Variants in ROBO2 observed in about 807,000 individuals in gnomAD.
ROBO2 encodes the protein roundabout homolog 2.
ROBO2 carries 53 observed loss-of-function variants against 160.8 expected under a neutral mutation model. The observed-to-expected ratio is 0.33, with a 90% CI of 0.26 to 0.41. ROBO2 has a LOEUF of 0.41. Ranked by LOEUF, ROBO2 falls within the 10% of genes least tolerant of loss-of-function variation. The pLI, the probability that ROBO2 is intolerant of heterozygous loss-of-function variation, is 1.00. For missense variants in ROBO2, 1,577 were observed against 1,722.4 expected, an observed-to-expected ratio of 0.92 and a Z score of 1.49; for synonymous variants, 664 against 611.7, an observed-to-expected ratio of 1.09 and a Z score of -1.26.
chr3:76,291,519 A>G (rs1039824084), intron 2 of ROBO2, among the ~76,000 whole-genome samples: 1 of 151,758 alleles, frequency 6.6e-6, no homozygotes, highest in Non-Finnish European at 1.5e-5. Flanking sequence ...CTGCCTCTTC[A>G]TTTCATTACA....
At chr3:77,361,706 G>T (rs563034003) in intron 2 of ROBO2, among the ~76,000 whole-genome samples, 1 of 152,224 alleles carries the variant, frequency 6.6e-6, no homozygotes, top group South Asian at 2.1e-4. Context: ...CTCTTATGAC[G>T]TAAACACCCT....
intron 2 of ROBO2, among the ~76,000 whole-genome samples, chr3:76,259,609 G>T (rs568681435): frequency 2.0e-5 from 3 of 152,264 alleles, no homozygotes; most frequent in East Asian, 1.9e-4. Context: ...AACAGAAGAA[G>T]TACATTTGTT....
At chr3:76,119,825 T>C (rs2070644559) in intron 2 of ROBO2, among the ~76,000 whole-genome samples, 1 of 151,708 alleles carries the variant, frequency 6.6e-6, no homozygotes, top group Non-Finnish European at 1.5e-5. Context: ...CACACATGAC[T>C]TACCTTTCTT....
intron 2 of ROBO2, among the ~76,000 whole-genome samples, chr3:76,944,012 T>A (rs952437089): frequency 4.6e-5 from 7 of 152,182 alleles, no homozygotes; most frequent in African/African-American, 1.7e-4. Flanking sequence ...TTGGACTAAT[T>A]AAATAGAAAC....
At chr3:76,364,738 C>G (rs1037436674) in intron 2 of ROBO2, among the ~76,000 whole-genome samples, 1 of 152,040 alleles carries the variant, frequency 6.6e-6, no homozygotes, top group African/African-American at 2.4e-5. Flanking sequence ...ATTCTGAGAC[C>G]TGCACAGTAA....
In ROBO2 at chr3:76,425,524, G is replaced by C. The variant is rs1008654703; in HGVS notation, c.109+487922G>C. Among the ~76,000 whole-genome samples, 6 of 143,720 alleles carry C rather than the reference G, an allele frequency of 4.2e-5. No individual in the cohort carries two copies. The East Asian group carries it at 1.1e-3, about 26-fold the overall frequency. 94.3% of individuals were successfully genotyped at this position (143,720 alleles called of 152,430 possible). On this transcript the variant is annotated intron_variant, in intron 2 of 26. Coordinates refer to the ROBO2 transcript ENST00000487694. ...TGTGTGTGTGTGTGTGTGTGTGTGT[G>C]TCTGTGTGTGTGTGTGTCTGTGTGT... is the stretch of plus-strand genomic sequence containing the variant.
intron 2 of ROBO2, among the ~76,000 whole-genome samples, chr3:76,673,873 C>G (rs1011213561): frequency 1.3e-5 from 2 of 152,048 alleles, no homozygotes; most frequent in Non-Finnish European, 1.5e-5. Context: ...CCCTTAATCA[C>G]CAGAAAATCA....
chr3:77,328,663 T>A (rs901594543), intron 2 of ROBO2, among the ~76,000 whole-genome samples: 2 of 152,210 alleles, frequency 1.3e-5, no homozygotes, highest in African/African-American at 4.8e-5. Context: ...AAGAGATAGA[T>A]ATAGTTCAGA....
At chr3:77,258,320 C>T (rs1375488689) in intron 2 of ROBO2, among the ~76,000 whole-genome samples, 1 of 152,106 alleles carries the variant, frequency 6.6e-6, no homozygotes, top group Non-Finnish European at 1.5e-5. Context: ...TACTAAATAA[C>T]CTGTGAGAGA....
chr3:76,815,387 T>A (rs1329179283), intron 2 of ROBO2, among the ~76,000 whole-genome samples: 1 of 151,554 alleles, frequency 6.6e-6, no homozygotes, highest in Admixed American at 6.6e-5. Context: ...TGCACAACTA[T>A]GTAAATGTTT....
intron 2 of ROBO2, among the ~76,000 whole-genome samples, chr3:76,087,261 A>C (rs1029398236): frequency 3.9e-5 from 6 of 152,102 alleles, no homozygotes; most frequent in Admixed American, 1.3e-4. Context: ...AAATCTAAAA[A>C]GATGCCAGAT....
At chr3:76,631,354 G>A (rs2090017189) in intron 2 of ROBO2, among the ~76,000 whole-genome samples, 2 of 151,964 alleles carry the variant, frequency 1.3e-5, no homozygotes, top group South Asian at 4.2e-4. Flanking sequence ...GTTAAAATGC[G>A]GGAGCCTCTG....
chr3:76,834,828 G>T (rs908098737), intron 2 of ROBO2, among the ~76,000 whole-genome samples: 4 of 152,034 alleles, frequency 2.6e-5, no homozygotes, highest in African/African-American at 9.7e-5. Flanking sequence ...CATTTCATTG[G>T]CCAAAGCATT....
At chr3:77,223,171 G>T (rs2086043018) in intron 2 of ROBO2, among the ~76,000 whole-genome samples, 1 of 152,104 alleles carries the variant, frequency 6.6e-6, no homozygotes, top group South Asian at 2.1e-4. Flanking sequence ...TATGAAGAAT[G>T]ACTCTATGAA....
chr3:77,150,953 A>G (rs1380011895), intron 2 of ROBO2, among the ~76,000 whole-genome samples: 7 of 152,194 alleles, frequency 4.6e-5, no homozygotes, highest in Admixed American at 1.3e-4. Flanking sequence ...CTTTCAAGAC[A>G]TAGCAGTTAC....
intron 2 of ROBO2, among the ~76,000 whole-genome samples, chr3:76,885,040 G>C (rs1478221000): frequency 6.6e-6 from 1 of 152,058 alleles, no homozygotes; most frequent in African/African-American, 2.4e-5. Flanking sequence ...CGGCTGAAAA[G>C]GTCAAAAGCA....
intron 2 of ROBO2, among the ~76,000 whole-genome samples, chr3:76,369,638 C>T (rs1019543411): frequency 6.6e-6 from 1 of 151,838 alleles, no homozygotes; most frequent in Non-Finnish European, 1.5e-5. Context: ...GCAACATCAG[C>T]GTTCATTAGG....
At chr3:76,123,784 G>A (rs981384754) in intron 2 of ROBO2, among the ~76,000 whole-genome samples, 14 of 151,894 alleles carry the variant, frequency 9.2e-5, no homozygotes, top group Admixed American at 7.2e-4. Flanking sequence ...TATTAGCTTC[G>A]TCTTACACCT....
chr3:77,412,488 A>G (rs2076881836), intron 2 of ROBO2, among the ~76,000 whole-genome samples: 1 of 152,234 alleles, frequency 6.6e-6, no homozygotes, highest in South Asian at 2.1e-4. Context: ...AAGGCACTGT[A>G]TAAAAGAGCC....
Sources: gnomAD v4.1 joint callset for allele counts (sites outside exome capture counted in the v4.1 genomes callset) on GRCh38, gnomAD v4.1.1 for gene constraint, MANE v1.5 for transcripts, NCBI Gene and HGNC (gene_info 2026-07-23, HGNC 2026-07-21) for gene names.